Variants in ACOT12 observed in about 807,000 individuals in gnomAD.
The protein encoded by ACOT12 is acetyl-coenzyme A thioesterase.
ACOT12 carries 51 observed loss-of-function variants against 67.7 expected under a neutral mutation model. That is an observed-to-expected ratio of 0.75 (90% CI 0.60 to 0.95). The LOEUF is 0.95. Ranked by LOEUF, ACOT12 falls within the 40% of genes least tolerant of loss-of-function variation. ACOT12 has a pLI of 0.00. For missense variants in ACOT12, 734 were observed against 708.1 expected (o/e 1.04, Z -0.41); for synonymous variants, 251 against 244.6 (o/e 1.03, Z -0.24).
At chr5:81,355,261 G>A (rs1759676575) in intron 5 of ACOT12, among the ~76,000 whole-genome samples, 1 of 152,126 alleles carries the variant, frequency 6.6e-6, no homozygotes, top group Admixed American at 6.6e-5. Context: ...CATTATGTAA[G>A]TACCTTTATT....
At chr5:81,371,917 T>G in intron 2 of ACOT12, 107 bp from the exon 3 acceptor site, 1 of 932,528 alleles carries the variant, frequency 1.1e-6, no homozygotes, top group Non-Finnish European at 1.7e-6. Flanking sequence ...CACCTTATCA[T>G]GCTGATAATT....
rs1030989247 is a variant in ACOT12, at chr5:81,336,541, G to A, written c.1129-640C>T. 3.3e-5 allele frequency among the ~76,000 whole-genome samples: 5 copies of A among 152,156 alleles called. No homozygotes were observed. In the South Asian group the frequency reaches 8.3e-4, roughly 25 times the overall value. On this transcript the variant is annotated intron_variant, in intron 11 of 14. Transcript: ENST00000307624. ...GCACATTATTCCTTAGGTAAGAGGA[G>A]GCTTGTCCTGGGGAGCCATTTGACA...
At chr5:81,336,072 G>T (rs1042156100) in intron 11 of ACOT12, among the ~76,000 whole-genome samples, 171 bp from the exon 12 acceptor site, 1 of 152,106 alleles carries the variant, frequency 6.6e-6, no homozygotes, top group Admixed American at 6.6e-5. Context: ...GATGTCTAGA[G>T]GTCTGTCCAG....
intron 1 of ACOT12, among the ~76,000 whole-genome samples, chr5:81,388,779 TG>T (rs1436669888): frequency 6.6e-6 from 1 of 152,160 alleles, no homozygotes; most frequent in Non-Finnish European, 1.5e-5. Context: ...CCACATGTTG[TG>T]GGAAGGAACC....
At chr5:81,374,708 T>C (rs549006576) in intron 2 of ACOT12, among the ~76,000 whole-genome samples, 1 of 152,162 alleles carries the variant, frequency 6.6e-6, no homozygotes, top group African/African-American at 2.4e-5. Flanking sequence ...CAAGTATCAA[T>C]AGCTGAATCA....
intron 1 of ACOT12, among the ~76,000 whole-genome samples, chr5:81,387,979 G>A (rs893124150): frequency 2.0e-5 from 3 of 152,054 alleles, no homozygotes; most frequent in African/African-American, 7.2e-5. Flanking sequence ...GGATCAAAAA[G>A]TAATAAAATC....
In ACOT12 at chr5:81,363,176, A is replaced by C. The variant is rs570844356; in HGVS notation, c.360+612T>G. ...AGGCACCCTGACACTGAAAAAAAAA[A>C]GCCAAGAAATTGTAAGGAGCAAATC... On this transcript the variant is annotated intron_variant, in intron 4 of 14. Transcript: ENST00000307624. 6.5e-3 allele frequency among the ~76,000 whole-genome samples: 992 copies of C among 152,216 alleles called. 3 individuals carry two copies. Among genetic ancestry groups the C allele is most frequent in the Middle Eastern group, 0.027 (8 of 294 alleles).
In ACOT12 at chr5:81,330,374, C is replaced by T; in HGVS notation, c.*20G>A. ...AATTAAAAGTGGGAAATTAAATTAC[C>T]AGTAATTGAAAGTTGACCTTTAAAA... On this transcript the variant is annotated 3_prime_UTR_variant, in exon 15 of 15. Coordinates refer to ENST00000307624, the MANE Select transcript of ACOT12 (RefSeq NM_130767.3). The T allele has an allele frequency of 1.3e-6, 2 of 1,598,362 alleles. No homozygotes were observed. The highest frequency in any genetic ancestry group is 1.7e-5 in the Admixed American group (1 of 58,320).
chr5:81,348,023 T>A, intron 5 of ACOT12, 93 bp from the exon 6 acceptor site: 1 of 1,389,800 alleles, frequency 7.2e-7, no homozygotes, highest in Non-Finnish European at 9.8e-7. Flanking sequence ...TCAACTCGGA[T>A]TTATAGAAAA....
chr5:81,344,168 G>T lies in ACOT12; in HGVS notation c.972C>A (p.Arg324=). 1 of 1,613,674 alleles carries T rather than the reference G, an allele frequency of 6.2e-7. No homozygotes were observed. Among genetic ancestry groups the T allele is most frequent in the Non-Finnish European group, 8.5e-7 (1 of 1,179,818 alleles). The change falls in exon 9 of 15, where the codon CGC becomes CGA. Residue 324 remains arginine, a synonymous_variant. Transcript: ENST00000307624. ...YRGAIARKRI[R]LGRKYVISHK... is the part of the protein sequence containing the mutation. ...CACCTTATGTTCCTTACCTGCCTAG[G>T]CGAATTCGCTTGCGTGCAATAGCTC...
At chr5:81,335,956 G>C in intron 11 of ACOT12, 55 bp from the exon 12 acceptor site, 2 of 1,540,948 alleles carry the variant, frequency 1.3e-6, no homozygotes. Context: ...TTTTACTTTA[G>C]AAACCATATG....
chr5:81,374,209 G>C (rs1390592475), intron 2 of ACOT12, among the ~76,000 whole-genome samples: 4 of 152,134 alleles, frequency 2.6e-5, no homozygotes, highest in Non-Finnish European at 5.9e-5. Context: ...GTCTGGAGTG[G>C]GCCTCCAGCA....
At chr5:81,331,050 A>T in intron 13 of ACOT12, 110 bp from the exon 14 acceptor site, 1 of 1,253,130 alleles carries the variant, frequency 8.0e-7, no homozygotes, top group Non-Finnish European at 1.1e-6. Context: ...GAAACTATGA[A>T]GGCCCAGATC....
At chr5:81,322,746 T>TA in the ACOT12 span, among the ~76,000 whole-genome samples, 22 of 152,060 alleles carry the variant, frequency 1.4e-4, no homozygotes, top group African/African-American at 5.3e-4. Context: ...TCAGGAAACT[T>TA]AAAATCATGG....
rs1484109577 is a variant in ACOT12, at chr5:81,347,950, A to C, written c.497-20T>G. 1.9e-6 allele frequency: 3 copies of C among 1,609,620 alleles called. No homozygotes were observed. The highest frequency in any genetic ancestry group is 2.5e-6 in the Non-Finnish European group (3 of 1,177,368). ...TGAGATCTGAAAGGTGGATGTAAAC[A>C]TTAATGATGGTGGAGTGAACCATAG... On this transcript the variant is annotated intron_variant, in intron 5 of 14. Coordinates refer to ENST00000307624, the MANE Select transcript of ACOT12 (RefSeq NM_130767.3).
intron 5 of ACOT12, among the ~76,000 whole-genome samples, chr5:81,349,406 G>A (rs1759485618): frequency 6.6e-6 from 1 of 152,064 alleles, no homozygotes; most frequent in South Asian, 2.1e-4. Flanking sequence ...CTCCAGCCAC[G>A]CTGGTCTTTT....
the ACOT12 span, among the ~76,000 whole-genome samples, chr5:81,316,489 A>G: frequency 6.6e-6 from 1 of 152,202 alleles, no homozygotes; most frequent in African/African-American, 2.4e-5. Context: ...TAGATATACC[A>G]CATTTTATTC....
chr5:81,352,239 G>A (rs944403474), intron 5 of ACOT12, among the ~76,000 whole-genome samples: 8 of 152,192 alleles, frequency 5.3e-5, no homozygotes, highest in Admixed American at 5.2e-4. Flanking sequence ...ATCAGATCCA[G>A]CAATCCCATT....
rs185522829 is a variant in ACOT12 at position 81,363,918 on chromosome 5, A to C, written c.259-29T>G. On this transcript the variant is annotated intron_variant, in intron 3 of 14. Coordinates refer to ENST00000307624, the MANE Select transcript of ACOT12 (RefSeq NM_130767.3). ...AAATGAAAAAAAGATAAATAAATAC[A>C]CTCTTGGCCAGTTCAGATTTCAGCA... 53 of 1,466,454 alleles carry C rather than the reference A, an allele frequency of 3.6e-5. No individual in the cohort carries two copies. In the East Asian group the frequency reaches 1.3e-3, roughly 35 times the overall value. The allele number at this position is 1,466,454 out of a possible 1,614,324, so 90.8% of individuals were successfully genotyped here.
Sources: gnomAD v4.1 joint callset for allele counts (sites outside exome capture counted in the v4.1 genomes callset) on GRCh38, gnomAD v4.1.1 for gene constraint, MANE v1.5 for transcripts, NCBI Gene and HGNC (gene_info 2026-07-23, HGNC 2026-07-21) for gene names.